RSRC1: variants seen among roughly 807,000 people sequenced by gnomAD.
The protein encoded by RSRC1 is arginine and serine rich coiled-coil 1.
Under a neutral mutation model 49.1 loss-of-function variants are expected in RSRC1, and 39 were observed. The observed-to-expected ratio is 0.79, with a 90% CI of 0.61 to 1.04. RSRC1 has a LOEUF of 1.04. Among genes scored for constraint, RSRC1 ranks in the 50% least tolerant of loss-of-function variants. RSRC1 has a pLI of 0.00. For missense variants in RSRC1, 388 were observed against 402.4 expected (o/e 0.96, Z 0.31); for synonymous variants, 143 against 130.8 (o/e 1.09, Z -0.63).
intron 3 of RSRC1, among the ~76,000 whole-genome samples, chr3:158,165,503 G>C (rs1460789845): frequency 6.6e-6 from 1 of 152,168 alleles, no homozygotes; most frequent in African/African-American, 2.4e-5. Context: ...ACTATCCTTG[G>C]GGCCATGTGA....
chr3:158,303,560 A>G (rs1055583825), intron 5 of RSRC1: 3 of 152,186 alleles, frequency 2.0e-5, no homozygotes, highest in Admixed American at 2.0e-4. Flanking sequence ...GCATTTCAAC[A>G]AGCTCCTAAG....
At chr3:158,361,703 A>G (rs1731484705) in intron 6 of RSRC1, among the ~76,000 whole-genome samples, 1 of 152,226 alleles carries the variant, frequency 6.6e-6, no homozygotes, top group Non-Finnish European at 1.5e-5. Flanking sequence ...TTCTAACTTT[A>G]TCTTCTAGAA....
chr3:158,280,799 A>T (rs1412250634), intron 4 of RSRC1, among the ~76,000 whole-genome samples: 2 of 151,782 alleles, frequency 1.3e-5, no homozygotes, highest in Non-Finnish European at 2.9e-5. Context: ...GGTGCATGCC[A>T]CCACGCCCTG....
intron 7 of RSRC1, among the ~76,000 whole-genome samples, chr3:158,499,251 C>T (rs1333021497): frequency 6.6e-6 from 1 of 152,034 alleles, no homozygotes; most frequent in Non-Finnish European, 1.5e-5. Flanking sequence ...GTGGCACGCG[C>T]CTGTAATCCC....
At chr3:158,206,759 C>G (rs1048564367) in intron 4 of RSRC1, among the ~76,000 whole-genome samples, 3 of 151,934 alleles carry the variant, frequency 2.0e-5, no homozygotes, top group African/African-American at 7.3e-5. Context: ...ACTAAAAATA[C>G]AAAAATTAGC....
At chr3:158,467,463 C>T (rs1300859818) in intron 7 of RSRC1, among the ~76,000 whole-genome samples, 1 of 152,136 alleles carries the variant, frequency 6.6e-6, no homozygotes, top group Non-Finnish European at 1.5e-5. Flanking sequence ...TATGTAGTTA[C>T]ATAGTGCGTA....
intron 3 of RSRC1, among the ~76,000 whole-genome samples, chr3:158,153,679 A>G (rs1210251058): frequency 6.6e-6 from 1 of 152,226 alleles, no homozygotes; most frequent in Non-Finnish European, 1.5e-5. Flanking sequence ...GAGTTTGACC[A>G]GCATCTGAAT....
At chr3:158,264,053 GTTTTA>G (rs1725037877) in intron 4 of RSRC1, among the ~76,000 whole-genome samples, 2 of 151,848 alleles carry the variant, frequency 1.3e-5, no homozygotes, top group South Asian at 4.2e-4. Context: ...ACTTTGAACT[GTTTTA>G]TTTTTCTTTT....
At chr3:158,132,513 CTT>C (rs888203665) in intron 3 of RSRC1, among the ~76,000 whole-genome samples, 4 of 152,056 alleles carry the variant, frequency 2.6e-5, no homozygotes, top group African/African-American at 9.7e-5. Flanking sequence ...TTGTAGTACT[CTT>C]TATGTTATTT....
intron 6 of RSRC1, among the ~76,000 whole-genome samples, chr3:158,450,660 A>C (rs879672532): frequency 2.0e-5 from 3 of 151,952 alleles, no homozygotes; most frequent in Non-Finnish European, 4.4e-5. Context: ...TATATGCAGA[A>C]GTAGCAGCTA....
In RSRC1 at chr3:158,228,957, C is replaced by CACACATACGTGTATATGTGTGTATAA. The variant is rs1559952043; in HGVS notation, c.494+25718_494+25743dup. 3.2e-3 allele frequency among the ~76,000 whole-genome samples: 301 copies of CACACATACGTGTATATGTGTGTATAA among 93,206 alleles called. 115 individuals carry two copies. The highest frequency in any genetic ancestry group is 0.015 in the African/African-American group (285 of 18,408). 61.1% of individuals were successfully genotyped at this position (93,206 alleles called of 152,430 possible). ...ACATACGTGTATATGTGTGTATAAA[C>CACACATACGTGTATATGTGTGTATAA]ACACATACGTGTATATGTGTGTATA... On this transcript the variant is annotated intron_variant, in intron 4 of 9. Transcript: ENST00000611884.
At chr3:158,432,550 A>G (rs1735821605) in intron 6 of RSRC1, among the ~76,000 whole-genome samples, 1 of 151,922 alleles carries the variant, frequency 6.6e-6, no homozygotes, top group African/African-American at 2.4e-5. Context: ...GATAACACTG[A>G]CAAAGCTATC....
At chr3:158,206,161 A>G (rs1721334668) in intron 4 of RSRC1, among the ~76,000 whole-genome samples, 2 of 152,226 alleles carry the variant, frequency 1.3e-5, no homozygotes, top group South Asian at 4.1e-4. Context: ...CAGTTAAAAG[A>G]TAAGCAGTCT....
intron 3 of RSRC1, among the ~76,000 whole-genome samples, chr3:158,164,465 A>G (rs1054085512): frequency 2.0e-5 from 3 of 152,108 alleles, no homozygotes; most frequent in African/African-American, 7.2e-5. Flanking sequence ...AACATCTACA[A>G]AATTATAAAA....
At chr3:158,193,244 A>G (rs753590726) in intron 3 of RSRC1, among the ~76,000 whole-genome samples, 2 of 152,126 alleles carry the variant, frequency 1.3e-5, no homozygotes, top group Non-Finnish European at 2.9e-5. Context: ...CTGAATACGT[A>G]TGTAACTTTG....
At chr3:158,439,093 G>A (rs1736228800) in intron 6 of RSRC1, among the ~76,000 whole-genome samples, 1 of 152,130 alleles carries the variant, frequency 6.6e-6, no homozygotes, top group Non-Finnish European at 1.5e-5. Context: ...TCAGAGAAAT[G>A]CAAATCAAAA....
intron 4 of RSRC1, among the ~76,000 whole-genome samples, chr3:158,211,667 T>G (rs1388862550): frequency 6.6e-6 from 1 of 152,020 alleles, no homozygotes; most frequent in African/African-American, 2.4e-5. Flanking sequence ...TCAAGTCATT[T>G]ACAGTTTTTT....
intron 4 of RSRC1, among the ~76,000 whole-genome samples, chr3:158,252,892 T>C (rs1002410931): frequency 6.6e-6 from 1 of 152,112 alleles, no homozygotes; most frequent in Non-Finnish European, 1.5e-5. Context: ...ATAGTAGCCT[T>C]TATTGATCCT....
At chr3:158,242,865 T>G (rs1003121303) in intron 4 of RSRC1, among the ~76,000 whole-genome samples, 1 of 152,214 alleles carries the variant, frequency 6.6e-6, no homozygotes, top group Non-Finnish European at 1.5e-5. Context: ...TTGAGAAGTG[T>G]CTGTTCATGT....
Sources: gnomAD v4.1 joint callset for allele counts (sites outside exome capture counted in the v4.1 genomes callset) on GRCh38, gnomAD v4.1.1 for gene constraint, MANE v1.5 for transcripts, NCBI Gene and HGNC (gene_info 2026-07-23, HGNC 2026-07-21) for gene names.